The following SCFD2 variants were observed in gnomAD, a reference collection of about 807,000 sequenced individuals.
SCFD2 encodes the protein sec1 family domain-containing protein 2.
SCFD2 carries 54 observed loss-of-function variants against 58.9 expected under a neutral mutation model. The observed-to-expected ratio is 0.92, with a 90% CI of 0.74 to 1.15. The LOEUF is 1.15. SCFD2 is among the 50% of genes most tolerant of loss of function. The pLI is 0.00. For missense variants in SCFD2, 805 were observed against 836.6 expected (o/e 0.96, Z 0.47); for synonymous variants, 321 against 335.9 (o/e 0.96, Z 0.49).
chr4:53,082,781 C>A (rs1724185782), intron 5 of SCFD2, among the ~76,000 whole-genome samples: 1 of 152,108 alleles, frequency 6.6e-6, no homozygotes, highest in Non-Finnish European at 1.5e-5. Context: ...CCACAGACAT[C>A]AGTGCTCCTG....
At chr4:52,937,032 A>C (rs536321368) in intron 5 of SCFD2, among the ~76,000 whole-genome samples, 7 of 152,364 alleles carry the variant, frequency 4.6e-5, no homozygotes, top group African/African-American at 1.4e-4. Context: ...CATGTAAATA[A>C]ATCATGTGAT....
At chr4:53,159,041 T>G (rs1726775265) in intron 4 of SCFD2, among the ~76,000 whole-genome samples, 1 of 152,210 alleles carries the variant, frequency 6.6e-6, no homozygotes, top group Non-Finnish European at 1.5e-5. Context: ...CATATCTAGC[T>G]TTCTTCTAAG....
chr4:53,052,302 T>C (rs1219533756), intron 5 of SCFD2, among the ~76,000 whole-genome samples: 1 of 152,154 alleles, frequency 6.6e-6, no homozygotes, highest in Non-Finnish European at 1.5e-5. Context: ...CCCTACCTAA[T>C]TCCTGCTCAT....
chr4:52,966,859 A>C (rs927995955), intron 5 of SCFD2, among the ~76,000 whole-genome samples: 2 of 152,190 alleles, frequency 1.3e-5, no homozygotes, highest in Non-Finnish European at 2.9e-5. Context: ...TATAACATAA[A>C]ATTTACCATT....
chr4:53,164,343 T>G (rs1726940665), intron 4 of SCFD2, among the ~76,000 whole-genome samples: 1 of 152,046 alleles, frequency 6.6e-6, no homozygotes, highest in Non-Finnish European at 1.5e-5. Flanking sequence ...GCCAACTCCT[T>G]CAGACTCCCC....
chr4:53,239,220 C>T (rs1729802590), intron 4 of SCFD2, among the ~76,000 whole-genome samples: 2 of 151,116 alleles, frequency 1.3e-5, no homozygotes, highest in African/African-American at 4.9e-5. Context: ...CGTGGCGGCG[C>T]GAGTCTGCAA....
chr4:53,181,268 C>A (rs1727544721), intron 4 of SCFD2, among the ~76,000 whole-genome samples: 1 of 152,136 alleles, frequency 6.6e-6, no homozygotes, highest in South Asian at 2.1e-4. Context: ...TAAAATCCTG[C>A]AAACTGAATC....
intron 4 of SCFD2, among the ~76,000 whole-genome samples, chr4:53,167,000 G>C (rs569371012): frequency 6.6e-6 from 1 of 152,282 alleles, no homozygotes; most frequent in Admixed American, 6.5e-5. Context: ...TACCTCCTAT[G>C]AGAAGATCAG....
chr4:53,193,323 CA>C (rs1452836916), intron 4 of SCFD2, among the ~76,000 whole-genome samples: 3 of 152,096 alleles, frequency 2.0e-5, no homozygotes, highest in Non-Finnish European at 4.4e-5. Flanking sequence ...TTTAGGATTC[CA>C]GACAGTCAAG....
intron 4 of SCFD2, among the ~76,000 whole-genome samples, chr4:53,218,891 G>T (rs1197785229): frequency 2.0e-5 from 3 of 152,202 alleles, no homozygotes; most frequent in East Asian, 3.9e-4. Context: ...GTCTGAGTTT[G>T]CTGGATGTCC....
At chr4:53,089,641 T>C (rs1388369456) in intron 5 of SCFD2, among the ~76,000 whole-genome samples, 1 of 152,220 alleles carries the variant, frequency 6.6e-6, no homozygotes, top group Non-Finnish European at 1.5e-5. Context: ...ATTAATTTTG[T>C]CATGAGGCAT....
chr4:53,223,651 T>C (rs145940583), intron 4 of SCFD2, among the ~76,000 whole-genome samples: 1 of 152,218 alleles, frequency 6.6e-6, no homozygotes, highest in African/African-American at 2.4e-5. Flanking sequence ...GAAATCTCGT[T>C]TGGCTTGCCT....
At chr4:53,073,343 T>C (rs2411290) in intron 5 of SCFD2, among the ~76,000 whole-genome samples, 50,681 of 151,936 alleles carry the variant, frequency 0.33, 8,584 homozygotes, top group Middle Eastern at 0.51. Context: ...GATGATTGTA[T>C]GTGTTATTTT....
At chr4:53,286,152 C>G (rs539689800) in intron 3 of SCFD2, among the ~76,000 whole-genome samples, 4 of 152,234 alleles carry the variant, frequency 2.6e-5, no homozygotes, top group African/African-American at 9.6e-5. Context: ...GTAAAGTTCC[C>G]TAAGGGGCAC....
chr4:52,889,779 T>A (rs999587948), intron 7 of SCFD2, among the ~76,000 whole-genome samples: 1 of 152,324 alleles, frequency 6.6e-6, no homozygotes, highest in East Asian at 1.9e-4. Context: ...TCTCATAACC[T>A]ACTCCTGTCA....
At chr4:52,946,290 T>C (rs950581289) in intron 5 of SCFD2, among the ~76,000 whole-genome samples, 2 of 152,160 alleles carry the variant, frequency 1.3e-5, no homozygotes, top group African/African-American at 4.8e-5. Flanking sequence ...TTTATCTCAG[T>C]ATGCCAAAAA....
chr4:53,043,020 T>A (rs1722937913), intron 5 of SCFD2, among the ~76,000 whole-genome samples: 1 of 152,184 alleles, frequency 6.6e-6, no homozygotes, highest in Non-Finnish European at 1.5e-5. Context: ...CCACAGACAC[T>A]ACTTCTAAAA....
At position 53,069,984 on chromosome 4, in the gene SCFD2, A is replaced by C. The variant is rs553860485; in HGVS notation, c.1561+75349T>G. ...TTTTTAAAGTCCTGACATATTTTTT[A>C]TGTTGACAATTAAATTAGTAAGACC... On this transcript the variant is annotated intron_variant, in intron 5 of 8. Coordinates refer to ENST00000401642, the MANE Select transcript of SCFD2 (RefSeq NM_152540.4). 1.1e-4 allele frequency among the ~76,000 whole-genome samples: 17 copies of C among 152,152 alleles called. No homozygotes were observed. The East Asian group carries it at 2.7e-3, about 24-fold the overall frequency.
At chr4:53,034,657 A>C (rs1269978793) in intron 5 of SCFD2, among the ~76,000 whole-genome samples, 1 of 152,232 alleles carries the variant, frequency 6.6e-6, no homozygotes, top group African/African-American at 2.4e-5. Flanking sequence ...TGCAAAGATC[A>C]CAAGCATTCC....
Sources: allele counts gnomAD v4.1 joint callset (sites outside exome capture counted in the v4.1 genomes callset), GRCh38; gene constraint gnomAD v4.1.1; transcripts MANE v1.5; gene names NCBI Gene and HGNC (gene_info 2026-07-23, HGNC 2026-07-21).